KATNIP: variants seen among roughly 807,000 people sequenced by gnomAD.
KATNIP encodes katanin interacting protein.
Under a neutral mutation model 174.0 loss-of-function variants are expected in KATNIP, and 126 were observed. The observed-to-expected ratio is 0.72, with a 90% CI of 0.63 to 0.84. The LOEUF is 0.84. KATNIP is among the 40% of genes least tolerant of loss of function. The pLI is 0.00. For synonymous variants in KATNIP, 810 were observed against 835.7 expected, an observed-to-expected ratio of 0.97 and a Z score of 0.53; for missense variants, 1,958 against 2,109.7, an observed-to-expected ratio of 0.93 and a Z score of 1.41.
At chr16:27,598,835 G>A (rs898966664) in intron 2 of KATNIP, among the ~76,000 whole-genome samples, 3 of 152,214 alleles carry the variant, frequency 2.0e-5, no homozygotes, top group Non-Finnish European at 4.4e-5. Flanking sequence ...GCAGGCTTGG[G>A]CAGAAGGAGG....
chr16:27,753,768 T>G (rs1597381309), intron 17 of KATNIP, among the ~76,000 whole-genome samples: 1 of 143,896 alleles, frequency 6.9e-6, no homozygotes, highest in East Asian at 2.3e-4. Context: ...TTTTCCTCCT[T>G]CCCTCCTTCC....
chr16:27,669,348 G>T (rs1417677827), intron 6 of KATNIP: 1 of 979,152 alleles, frequency 1.0e-6, no homozygotes, highest in African/African-American at 1.8e-5. Context: ...TTTGTGTGCA[G>T]TCCCTGTCAT....
chr16:27,638,012 C>G (rs115387979), intron 5 of KATNIP, among the ~76,000 whole-genome samples: 2 of 152,170 alleles, frequency 1.3e-5, no homozygotes, highest in African/African-American at 4.8e-5. Flanking sequence ...CTTCAGTGTT[C>G]CCCTGATCCA....
intron 23 of KATNIP, among the ~76,000 whole-genome samples, chr16:27,773,957 A>G (rs1049153509): frequency 2.0e-5 from 3 of 152,114 alleles, no homozygotes; most frequent in African/African-American, 7.2e-5. Flanking sequence ...TCCCCATTTT[A>G]CAGATGAGGA....
chr16:27,748,039 A>G (rs1401554149), intron 15 of KATNIP, among the ~76,000 whole-genome samples: 2 of 152,160 alleles, frequency 1.3e-5, no homozygotes, highest in Non-Finnish European at 2.9e-5. Flanking sequence ...AGGAGGAAAA[A>G]CAGAATGTCA....
intron 14 of KATNIP, among the ~76,000 whole-genome samples, chr16:27,739,098 T>G (rs911991601): frequency 2.0e-5 from 3 of 151,542 alleles, no homozygotes; most frequent in African/African-American, 7.3e-5. Flanking sequence ...AGAGACCAAT[T>G]AGGAGGCGGC....
chr16:27,633,648 T>C (rs942992008), intron 5 of KATNIP, among the ~76,000 whole-genome samples: 2 of 152,108 alleles, frequency 1.3e-5, no homozygotes, highest in African/African-American at 2.4e-5. Context: ...CACATACGAT[T>C]TCACACTGTA....
intron 2 of KATNIP, chr16:27,574,197 A>G (rs753042774): frequency 1.9e-6 from 1 of 514,464 alleles, no homozygotes; most frequent in African/African-American, 1.9e-5. Context: ...TGTCTGTGTA[A>G]CAAATCATCC....
intron 23 of KATNIP, among the ~76,000 whole-genome samples, chr16:27,773,693 A>G (rs1477825769): frequency 6.6e-6 from 1 of 152,208 alleles, no homozygotes; most frequent in Non-Finnish European, 1.5e-5. Context: ...GAGGTTTCAC[A>G]TGAAAACCCT....
intron 2 of KATNIP, among the ~76,000 whole-genome samples, chr16:27,615,149 G>C (rs905743390): frequency 6.6e-6 from 1 of 152,212 alleles, no homozygotes; most frequent in East Asian, 1.9e-4. Flanking sequence ...GTTTTTTAGA[G>C]ACAGGGTCTC....
In KATNIP at chr16:27,699,388, C is replaced by T; in HGVS notation, c.1114-146C>T. On this transcript the variant is annotated intron_variant, in intron 9 of 27. Transcript: ENST00000261588. Reference sequence around the variant, plus strand: ...TCGAGCAGCAACTATTGTCTGTGTTCCCAGACCTCTGACCTTGCCCCTGAA... The same window carrying T: ...TCGAGCAGCAACTATTGTCTGTGTTTCCAGACCTCTGACCTTGCCCCTGAA... The T allele has an allele frequency of 5.0e-6, 7 of 1,408,112 alleles. No homozygotes were observed. The South Asian group carries it at 7.2e-5, about 15-fold the overall frequency. 87.2% of individuals were successfully genotyped at this position (1,408,112 alleles called of 1,614,324 possible).
At chr16:27,550,945 C>T (rs989813423) in intron 1 of KATNIP, among the ~76,000 whole-genome samples, 6 of 152,128 alleles carry the variant, frequency 3.9e-5, no homozygotes, top group Non-Finnish European at 8.8e-5. Context: ...TCTAGTGAGC[C>T]GGATTGAGGC....
At chr16:27,659,092 T>C (rs755222789) in intron 6 of KATNIP, among the ~76,000 whole-genome samples, 6 of 152,148 alleles carry the variant, frequency 3.9e-5, no homozygotes, top group Non-Finnish European at 2.9e-5. Flanking sequence ...ATCCAAAATA[T>C]TGACCATTAA....
At chr16:27,652,518 G>A (rs141359441) in intron 6 of KATNIP, among the ~76,000 whole-genome samples, 4 of 152,228 alleles carry the variant, frequency 2.6e-5, no homozygotes, top group African/African-American at 7.2e-5. Context: ...TATGTTCACC[G>A]TTTAAGTGGT....
At chr16:27,577,149 G>A (rs1012938705) in intron 2 of KATNIP, among the ~76,000 whole-genome samples, 4 of 152,190 alleles carry the variant, frequency 2.6e-5, no homozygotes, top group Admixed American at 2.6e-4. Context: ...ACATTTAAAA[G>A]TTGTGGATTT....
chr16:27,688,224 C>T (rs554166525), intron 8 of KATNIP, among the ~76,000 whole-genome samples: 41 of 152,288 alleles, frequency 2.7e-4, no homozygotes, highest in African/African-American at 9.1e-4. Context: ...CATTTGAACC[C>T]AGGAGTTCAA....
rs1221787117 is a variant in KATNIP, at chr16:27,740,316, A to G, written c.2019A>G (p.Ser673=). The part of the protein sequence containing the change: ...AETLADAKLS[S]QGNVSGKRKN... Reference sequence around the variant, plus strand: ...CATTAGCGGATGCAAAGCTTTCTTCACAAGGAAATGTGTCTGGCAAAAGAA... The same window carrying G: ...CATTAGCGGATGCAAAGCTTTCTTCGCAAGGAAATGTGTCTGGCAAAAGAA... The change falls in exon 15 of 28, where the codon TCA becomes TCG. Residue 673 remains serine (S), a synonymous_variant. Transcript: ENST00000261588. 8 of 1,614,144 alleles carry G rather than the reference A, an allele frequency of 5.0e-6. No individual in the cohort carries two copies. The Admixed American group carries it at 1.0e-4, about 20-fold the overall frequency.
rs138512782 is a variant in KATNIP, at chr16:27,631,159, C to T, written c.405C>T (p.His135=). The part of the protein sequence containing the change: ...APSKVQRRGW[H]QKSVQIRTEA... ...GTAAAGTCCAGCGCCGAGGATGGCA[C>T]CAGGTCTGGAGACTGTGGCCCCAGC... Residue 135 remains histidine, a synonymous_variant, in exon 5 of 28, where the codon CAC becomes CAT. Transcript: ENST00000261588. The T allele has an allele frequency of 4.3e-5, 67 of 1,563,166 alleles. No homozygotes were observed. Among genetic ancestry groups the T allele is most frequent in the Non-Finnish European group, 5.6e-5 (64 of 1,152,460 alleles).
intron 16 of KATNIP, among the ~76,000 whole-genome samples, chr16:27,751,168 T>C (rs1252746859): frequency 1.3e-5 from 2 of 152,148 alleles, no homozygotes; most frequent in Admixed American, 6.5e-5. Context: ...AAGTGACTTA[T>C]GGAGGGAGTG....
Sources: allele counts gnomAD v4.1 joint callset (sites outside exome capture counted in the v4.1 genomes callset), GRCh38; gene constraint gnomAD v4.1.1; transcripts MANE v1.5; gene names NCBI Gene and HGNC (gene_info 2026-07-23, HGNC 2026-07-21).